Variants in DPP10 observed in about 807,000 individuals in gnomAD.
DPP10 encodes inactive dipeptidyl peptidase 10.
In DPP10, 33 loss-of-function variants were observed where a neutral mutation model predicts 120.9. The ratio of observed to expected loss-of-function variants is 0.27; its 90% CI spans 0.21 to 0.37. The LOEUF (loss-of-function observed/expected upper bound fraction) is 0.37. Among genes scored for constraint, DPP10 ranks in the 10% least tolerant of loss-of-function variants. DPP10 has a pLI of 1.00. For synonymous variants in DPP10, 337 were observed against 326.1 expected, an observed-to-expected ratio of 1.03 and a Z score of -0.36; for missense variants, 816 against 942.8, an observed-to-expected ratio of 0.87 and a Z score of 1.76.
chr2:114,917,804 A>G (rs1694914772), intron 1 of DPP10, among the ~76,000 whole-genome samples: 1 of 152,088 alleles, frequency 6.6e-6, no homozygotes, highest in Admixed American at 6.6e-5. Flanking sequence ...ACAAAAATCA[A>G]CTCAAGATGG....
At chr2:115,809,552 C>G (rs965617830) in intron 19 of DPP10, among the ~76,000 whole-genome samples, 3 of 152,056 alleles carry the variant, frequency 2.0e-5, no homozygotes, top group African/African-American at 7.2e-5. Flanking sequence ...GTTCTTTACT[C>G]CTCCTTTCAC....
intron 3 of DPP10, among the ~76,000 whole-genome samples, chr2:115,389,525 T>A (rs2067185322): frequency 6.6e-6 from 1 of 152,214 alleles, no homozygotes. Flanking sequence ...TTCCATTTTT[T>A]AATGAATAAG....
At chr2:114,654,305 C>G (rs1200574919) in intron 1 of DPP10, among the ~76,000 whole-genome samples, 1 of 152,108 alleles carries the variant, frequency 6.6e-6, no homozygotes, top group African/African-American at 2.4e-5. Context: ...TGACTTTTGA[C>G]CCCCATCGTT....
At chr2:114,598,345 T>G (rs1018044442) in intron 1 of DPP10, among the ~76,000 whole-genome samples, 1 of 151,826 alleles carries the variant, frequency 6.6e-6, no homozygotes, top group African/African-American at 2.4e-5. Context: ...AGAAGGTGAA[T>G]GAATAATTTT....
chr2:115,007,792 CAGAG>C (rs1701965895), intron 1 of DPP10, among the ~76,000 whole-genome samples: 1 of 148,812 alleles, frequency 6.7e-6, no homozygotes, highest in African/African-American at 2.5e-5. Context: ...AACAGACAAA[CAGAG>C]AGCCAAATCA....
chr2:114,645,508 C>T (rs1293572964), intron 1 of DPP10, among the ~76,000 whole-genome samples: 1 of 152,178 alleles, frequency 6.6e-6, no homozygotes, highest in Non-Finnish European at 1.5e-5. Flanking sequence ...ACTGCATATT[C>T]TGGGTGAATG....
At chr2:115,640,229 A>G (rs906818561) in intron 5 of DPP10, among the ~76,000 whole-genome samples, 72 of 152,176 alleles carry the variant, frequency 4.7e-4, no homozygotes, top group African/African-American at 1.6e-3. Context: ...ATTTCTAAGA[A>G]AAGTCCTGGA....
At chr2:114,873,649 T>C (rs1167323419) in intron 1 of DPP10, among the ~76,000 whole-genome samples, 2 of 152,096 alleles carry the variant, frequency 1.3e-5, no homozygotes, top group Admixed American at 6.6e-5. Flanking sequence ...CACTGTGTCC[T>C]TCATAGAGAA....
At chr2:114,869,952 C>T (rs1048171453) in intron 1 of DPP10, among the ~76,000 whole-genome samples, 8 of 152,138 alleles carry the variant, frequency 5.3e-5, no homozygotes, top group African/African-American at 9.7e-5. Flanking sequence ...TTACCCTCTA[C>T]GTTTCTAGAT....
chr2:115,188,783 T>TGACC (rs1253194831), intron 1 of DPP10, among the ~76,000 whole-genome samples: 51 of 152,166 alleles, frequency 3.4e-4, no homozygotes, highest in African/African-American at 1.2e-3. Context: ...TTTTACCCCT[T>TGACC]GACCCAGCAA....
intron 17 of DPP10, among the ~76,000 whole-genome samples, chr2:115,786,926 G>A (rs1163590791): frequency 3.9e-5 from 6 of 152,158 alleles, no homozygotes; most frequent in Admixed American, 6.6e-5. Context: ...ATAGGAAGAT[G>A]CTTCATGAGT....
chr2:114,772,941 C>G (rs1681400028), intron 1 of DPP10, among the ~76,000 whole-genome samples: 1 of 152,154 alleles, frequency 6.6e-6, no homozygotes, highest in South Asian at 2.1e-4. Context: ...GTATTATCTT[C>G]TTTAGCCTAT....
intron 5 of DPP10, among the ~76,000 whole-genome samples, chr2:115,661,305 G>T (rs2088954808): frequency 6.6e-6 from 1 of 152,056 alleles, no homozygotes; most frequent in Non-Finnish European, 1.5e-5. Flanking sequence ...CATCATCTTT[G>T]ACTAGCCTTT....
chr2:114,650,202 G>A (rs899251777), intron 1 of DPP10, among the ~76,000 whole-genome samples: 1 of 152,120 alleles, frequency 6.6e-6, no homozygotes, highest in Non-Finnish European at 1.5e-5. Flanking sequence ...CACCGTCTGA[G>A]AGCACACGAT....
chr2:115,004,670 A>C (rs532584000), intron 1 of DPP10, among the ~76,000 whole-genome samples: 1 of 152,294 alleles, frequency 6.6e-6, no homozygotes, highest in African/African-American at 2.4e-5. Context: ...TGGGCTTAAA[A>C]AACGGCGCAC....
intron 5 of DPP10, among the ~76,000 whole-genome samples, chr2:115,655,658 A>G (rs570374840): frequency 3.3e-5 from 5 of 151,724 alleles, no homozygotes; most frequent in Non-Finnish European, 7.4e-5. Flanking sequence ...TTTCCTTCAA[A>G]TTTATAATTC....
chr2:115,385,202 C>A (rs1262359849), intron 3 of DPP10, among the ~76,000 whole-genome samples: 1 of 152,068 alleles, frequency 6.6e-6, no homozygotes, highest in Non-Finnish European at 1.5e-5. Context: ...CTTGAGGATC[C>A]TCATTCCGGA....
At chr2:115,255,597 C>T (rs2058949288) in intron 1 of DPP10, among the ~76,000 whole-genome samples, 1 of 152,186 alleles carries the variant, frequency 6.6e-6, no homozygotes. Flanking sequence ...TTACGCTCTG[C>T]TTCCTCTTTA....
At chr2:115,379,769 T>G (rs1336330505) in intron 3 of DPP10, among the ~76,000 whole-genome samples, 2 of 152,226 alleles carry the variant, frequency 1.3e-5, no homozygotes, top group African/African-American at 4.8e-5. Flanking sequence ...TTCTCGTTGG[T>G]TTCAAAGAAC....
Sources: allele counts gnomAD v4.1 joint callset (sites outside exome capture counted in the v4.1 genomes callset), GRCh38; gene constraint gnomAD v4.1.1; transcripts MANE v1.5; gene names NCBI Gene and HGNC (gene_info 2026-07-23, HGNC 2026-07-21).